The following PDE1A variants were observed in gnomAD, a reference collection of about 807,000 sequenced individuals.
PDE1A encodes phosphodiesterase 1A.
In PDE1A, 35 loss-of-function variants were observed where a neutral mutation model predicts 61.7. The ratio of observed to expected loss-of-function variants is 0.57; its 90% CI spans 0.43 to 0.75. PDE1A has a LOEUF of 0.75. Ranked by LOEUF, PDE1A falls within the 30% of genes least tolerant of loss-of-function variation. PDE1A has a pLI of 0.00. For synonymous variants in PDE1A, 232 were observed against 213.2 expected (o/e 1.09, Z -0.77); for missense variants, 597 against 630.6 (o/e 0.95, Z 0.57).
At chr2:182,314,425 G>T (rs774247747) in intron 1 of PDE1A, 1 of 152,166 alleles carries the variant, frequency 6.6e-6, no homozygotes, top group Admixed American at 6.6e-5. Flanking sequence ...CTAAGGAGGG[G>T]TGAACTGGAC....
chr2:182,175,063 AG>A (rs1382257932), intron 13 of PDE1A, among the ~76,000 whole-genome samples: 1 of 152,164 alleles, frequency 6.6e-6, no homozygotes, highest in Non-Finnish European at 1.5e-5. Context: ...GTCCCTGCCA[AG>A]GACATGAACT....
At chr2:182,234,822 A>G (rs532091999) in intron 3 of PDE1A, among the ~76,000 whole-genome samples, 1 of 152,336 alleles carries the variant, frequency 6.6e-6, no homozygotes, top group South Asian at 2.1e-4. Flanking sequence ...ACATGCCACC[A>G]TATCCCTGAC....
chr2:182,368,901 A>G lies in PDE1A; in HGVS notation c.53+57677T>C, dbSNP rs558892448. On this transcript the variant is annotated intron_variant, in intron 1 of 13. Transcript: ENST00000351439. The stretch of plus-strand genomic sequence containing the variant: ...ATTAAATGGTAGCTGCTTTCACATT[A>G]TTATTTCAAGATTTATAAACTATCC... 2.6e-5 allele frequency among the ~76,000 whole-genome samples: 4 copies of G among 152,306 alleles called. No homozygotes were observed. In the East Asian group the frequency reaches 7.7e-4, roughly 29 times the overall value.
At chr2:182,653,895 G>T in the PDE1A span, among the ~76,000 whole-genome samples, 16 of 152,098 alleles carry the variant, frequency 1.1e-4, no homozygotes, top group African/African-American at 3.6e-4. Context: ...GGGCAACTAG[G>T]GTACTCTCTT....
At chr2:182,547,295 C>T in the PDE1A span, among the ~76,000 whole-genome samples, 1 of 152,088 alleles carries the variant, frequency 6.6e-6, no homozygotes, top group African/African-American at 2.4e-5. Flanking sequence ...TTTTGCTGTC[C>T]ATATGTGTCT....
the PDE1A span, among the ~76,000 whole-genome samples, chr2:182,619,387 C>T: frequency 3.9e-5 from 6 of 152,078 alleles, no homozygotes; most frequent in African/African-American, 7.2e-5. Context: ...TCTGAGAAGA[C>T]ATTGTGTGAC....
intron 1 of PDE1A, among the ~76,000 whole-genome samples, chr2:182,372,525 T>C (rs1000661580): frequency 1.3e-5 from 2 of 152,238 alleles, no homozygotes; most frequent in African/African-American, 4.8e-5. Flanking sequence ...AACACTGTTA[T>C]ATGCTGCTGA....
chr2:182,542,433 T>C, the PDE1A span, among the ~76,000 whole-genome samples: 39 of 152,296 alleles, frequency 2.6e-4, no homozygotes, highest in African/African-American at 8.4e-4. Context: ...AAAACATCAC[T>C]GAAGATGTAT....
At chr2:182,430,305 C>G (rs1703868240), upstream of PDE1A, among the ~76,000 whole-genome samples, 2 of 127,690 alleles carry the variant, frequency 1.6e-5, no homozygotes, top group South Asian at 2.9e-4. Context: ...AGGACATGAA[C>G]AGACACTTCT....
chr2:182,385,633 GA>G (rs879588798), intron 1 of PDE1A, among the ~76,000 whole-genome samples: 2,961 of 61,198 alleles, frequency 0.048, 292 homozygotes, highest in African/African-American at 0.15. Flanking sequence ...AAGAAAGAAA[GA>G]AAGAAGAAGA....
rs1481106615 is a variant in PDE1A at position 182,178,937 on chromosome 2, G to T, written c.1516+6955C>A. On this transcript the variant is annotated intron_variant, in intron 13 of 13. Coordinates refer to ENST00000351439, the Ensembl canonical transcript of PDE1A. ...TGGAAAGATGAGAGAGAGGCCAGAG[G>T]TCAAGCAAGAACCTGATGCTCATCT... 2.0e-5 allele frequency among the ~76,000 whole-genome samples: 3 copies of T among 152,070 alleles called. No individual in the cohort carries two copies. The East Asian group carries it at 5.8e-4, about 29-fold the overall frequency.
the PDE1A span, among the ~76,000 whole-genome samples, chr2:182,684,181 C>G: frequency 6.6e-6 from 1 of 150,568 alleles, no homozygotes; most frequent in Non-Finnish European, 1.5e-5. Flanking sequence ...TTTGTAATAC[C>G]TAAAAAAAAT....
At chr2:182,643,321 C>A in the PDE1A span, among the ~76,000 whole-genome samples, 1 of 152,108 alleles carries the variant, frequency 6.6e-6, no homozygotes, top group Non-Finnish European at 1.5e-5. Context: ...TTGCCTGGTA[C>A]GGCACAGGTA....
chr2:182,460,748 C>T (rs1686229330), intron 2 of PDE1A, among the ~76,000 whole-genome samples: 1 of 152,144 alleles, frequency 6.6e-6, no homozygotes, highest in Non-Finnish European at 1.5e-5. Context: ...AGCCATTCTG[C>T]TGAATAACTA....
chr2:182,540,999 T>A, the PDE1A span, among the ~76,000 whole-genome samples: 1 of 152,042 alleles, frequency 6.6e-6, no homozygotes, highest in African/African-American at 2.4e-5. Flanking sequence ...ACCCCCAATA[T>A]AATTGCAGCA....
chr2:182,627,618 A>G, the PDE1A span, among the ~76,000 whole-genome samples: 3 of 151,360 alleles, frequency 2.0e-5, no homozygotes, highest in Non-Finnish European at 4.4e-5. Flanking sequence ...CTAAAAAAAA[A>G]TTTCCAGACA....
At chr2:182,591,560 A>G in the PDE1A span, among the ~76,000 whole-genome samples, 7 of 149,574 alleles carry the variant, frequency 4.7e-5, no homozygotes, top group Admixed American at 3.9e-4. Context: ...GGCACTACCA[A>G]TATTCTGGGT....
intron 1 of PDE1A, among the ~76,000 whole-genome samples, chr2:182,287,045 G>A (rs1163614753): frequency 1.3e-5 from 2 of 151,932 alleles, no homozygotes; most frequent in South Asian, 2.1e-4. Context: ...TCATAATCTT[G>A]CCCCTGCTTT....
At position 182,212,688 on chromosome 2, in the gene PDE1A, C is replaced by T. The variant is rs532936099; in HGVS notation, c.777-6623G>A. The stretch of plus-strand genomic sequence containing the variant: ...CCTGGAAAATTGGGTCACTCCCACC[C>T]GAATACTGCGCTTTTCTGACGGGCT... On this transcript the variant is annotated intron_variant, in intron 7 of 13. Coordinates refer to ENST00000351439, the Ensembl canonical transcript of PDE1A. Among the ~76,000 whole-genome samples, 589 of 152,278 alleles carry T rather than the reference C, an allele frequency of 3.9e-3. 3 individuals are homozygous for T. The highest frequency in any genetic ancestry group is 0.012 in the African/African-American group (511 of 41,564).
Sources: allele counts gnomAD v4.1 joint callset (sites outside exome capture counted in the v4.1 genomes callset), GRCh38; gene constraint gnomAD v4.1.1; transcripts MANE v1.5; gene names NCBI Gene and HGNC (gene_info 2026-07-23, HGNC 2026-07-21).